The following CNTNAP2 variants were observed in gnomAD, a reference collection of about 807,000 sequenced individuals.
CNTNAP2 encodes contactin-associated protein-like 2.
A neutral mutation model predicts 155.2 loss-of-function variants in CNTNAP2; 98 were observed. That is an observed-to-expected ratio of 0.63 (90% CI 0.54 to 0.75). CNTNAP2 has a LOEUF of 0.75. Among genes scored for constraint, CNTNAP2 ranks in the 30% least tolerant of loss-of-function variants. CNTNAP2 has a pLI of 0.00. For synonymous variants in CNTNAP2, 651 were observed against 631.2 expected, an observed-to-expected ratio of 1.03 and a Z score of -0.47; for missense variants, 1,727 against 1,688.1, an observed-to-expected ratio of 1.02 and a Z score of -0.40.
chr7:147,598,488 C>T (rs950560393), intron 12 of CNTNAP2, among the ~76,000 whole-genome samples: 1 of 152,118 alleles, frequency 6.6e-6, no homozygotes, highest in Admixed American at 6.6e-5. Context: ...CAGCTTCATC[C>T]ATGTCCCTGC....
intron 8 of CNTNAP2, among the ~76,000 whole-genome samples, chr7:147,235,417 T>C (rs1418254091): frequency 2.0e-5 from 3 of 151,690 alleles, no homozygotes; most frequent in African/African-American, 7.3e-5. Context: ...TCCTATTTGT[T>C]CTATTTCTCT....
intron 11 of CNTNAP2, among the ~76,000 whole-genome samples, chr7:147,519,101 G>A (rs1419002193): frequency 2.0e-5 from 3 of 151,474 alleles, no homozygotes; most frequent in Non-Finnish European, 4.4e-5. Flanking sequence ...TGTTGTAGCT[G>A]AAAACAACAC....
chr7:148,098,359 G>A (rs1261432097), intron 15 of CNTNAP2, among the ~76,000 whole-genome samples: 5 of 141,528 alleles, frequency 3.5e-5, no homozygotes, highest in East Asian at 2.3e-4. Context: ...CAGGAGAATC[G>A]CTTGAATCCA....
At chr7:148,283,255 A>AGAAAAAG (rs1277840999) in intron 21 of CNTNAP2, among the ~76,000 whole-genome samples, 2 of 63,626 alleles carry the variant, frequency 3.1e-5, no homozygotes, top group African/African-American at 1.2e-4. Flanking sequence ...AAAAAAAAAA[A>AGAAAAAG]AAAGAAAGAA....
At position 147,485,942 on chromosome 7, in the gene CNTNAP2, C is replaced by A; in HGVS notation, c.1678C>A (p.Pro560Thr). ...DMCAIIDRCV[P>T]NHCEHGGKCS... is the part of the protein sequence containing the mutation. ...TGTCTCTCTCTCTGACAGATGTGTGCCCAATCACTGTGAGCATGGTGGAAA... is the reference window on the plus strand; with the variant it reads ...TGTCTCTCTCTCTGACAGATGTGTGACCAATCACTGTGAGCATGGTGGAAA... The change falls in exon 11 of 24, where the codon CCC (proline) becomes ACC (threonine). Residue 560 changes from proline (P) to threonine (T), a missense_variant. By Grantham distance (38) the Pro-to-Thr change is conservative. Coordinates refer to ENST00000361727, the MANE Select transcript of CNTNAP2 (RefSeq NM_014141.6). The A allele has an allele frequency of 6.2e-7, 1 of 1,613,932 alleles. No individual in the cohort carries two copies. The highest frequency in any genetic ancestry group is 8.5e-7 in the Non-Finnish European group (1 of 1,179,876).
rs370676342 is a variant in CNTNAP2 at position 146,228,972 on chromosome 7, C to T, written c.97+111999C>T. ...TCTTATGTAATTATCTTTCGAATCACACATGCATCAGTACAATCAAGCTCT... is the reference window on the plus strand; with the variant it reads ...TCTTATGTAATTATCTTTCGAATCATACATGCATCAGTACAATCAAGCTCT... On this transcript the variant is annotated intron_variant, in intron 1 of 23. Transcript: ENST00000361727. Among the ~76,000 whole-genome samples, 24 of 152,250 alleles carry T rather than the reference C, an allele frequency of 1.6e-4. No individual in the cohort carries two copies. In the East Asian group the frequency reaches 2.7e-3, roughly 17 times the overall value.
intron 13 of CNTNAP2, among the ~76,000 whole-genome samples, chr7:147,688,368 C>T (rs184449767): frequency 2.0e-5 from 3 of 152,216 alleles, no homozygotes; most frequent in South Asian, 2.1e-4. Flanking sequence ...CTCTGAAATG[C>T]GTGAAAGAGT....
At chr7:146,525,515 T>C in intron 1 of CNTNAP2, among the ~76,000 whole-genome samples, 1 of 151,240 alleles carries the variant, frequency 6.6e-6, no homozygotes, top group East Asian at 1.9e-4. Context: ...ATTCTTTGCA[T>C]TTTCTGTCTT....
At chr7:147,869,537 A>G (rs1799292249) in intron 13 of CNTNAP2, among the ~76,000 whole-genome samples, 1 of 152,258 alleles carries the variant, frequency 6.6e-6, no homozygotes, top group African/African-American at 2.4e-5. Flanking sequence ...GAATCAGCAC[A>G]TCACCGTCAA....
chr7:146,902,210 C>T (rs1796018607), intron 3 of CNTNAP2, among the ~76,000 whole-genome samples: 1 of 152,052 alleles, frequency 6.6e-6, no homozygotes, highest in Non-Finnish European at 1.5e-5. Flanking sequence ...ACTTTATCTT[C>T]CTCAGGAGCA....
intron 1 of CNTNAP2, among the ~76,000 whole-genome samples, chr7:146,362,433 A>G (rs1037336568): frequency 1.3e-5 from 2 of 152,192 alleles, no homozygotes; most frequent in African/African-American, 2.4e-5. Context: ...TGAGCACCTC[A>G]TTCATAAGAA....
intron 19 of CNTNAP2, among the ~76,000 whole-genome samples, chr7:148,221,077 A>T (rs1439287015): frequency 1.3e-5 from 2 of 151,888 alleles, no homozygotes; most frequent in African/African-American, 4.8e-5. Flanking sequence ...TCACATGCCC[A>T]CTGCTACACA....
intron 21 of CNTNAP2, among the ~76,000 whole-genome samples, chr7:148,347,600 A>G (rs186169765): frequency 2.6e-5 from 4 of 152,356 alleles, no homozygotes; most frequent in East Asian, 3.9e-4. Context: ...AGCCAAAATT[A>G]TATTATCTAG....
intron 1 of CNTNAP2, among the ~76,000 whole-genome samples, chr7:146,643,428 A>G (rs1259609158): frequency 1.3e-5 from 2 of 152,052 alleles, no homozygotes; most frequent in Non-Finnish European, 2.9e-5. Context: ...TCCTTTCCCC[A>G]TTGTTTGTTT....
At chr7:146,492,312 A>C (rs2129131447) in intron 1 of CNTNAP2, among the ~76,000 whole-genome samples, 1 of 152,276 alleles carries the variant, frequency 6.6e-6, no homozygotes, top group Non-Finnish European at 1.5e-5. Flanking sequence ...ATGTAAAAAT[A>C]GAATTTGACA....
chr7:148,002,825 G>A (rs914401786), intron 15 of CNTNAP2, among the ~76,000 whole-genome samples: 1 of 152,104 alleles, frequency 6.6e-6, no homozygotes, highest in Non-Finnish European at 1.5e-5. Context: ...GTTTAGACAT[G>A]GAGGGAGCTC....
At chr7:148,353,740 T>G (rs1424973248) in intron 21 of CNTNAP2, among the ~76,000 whole-genome samples, 4 of 152,194 alleles carry the variant, frequency 2.6e-5, no homozygotes, top group African/African-American at 2.4e-5. Context: ...ACATCTTAGT[T>G]GAGATGGCTA....
chr7:147,374,982 AT>A (rs973238175), intron 9 of CNTNAP2, among the ~76,000 whole-genome samples: 2 of 151,984 alleles, frequency 1.3e-5, no homozygotes, highest in African/African-American at 4.8e-5. Flanking sequence ...TGATTGGATC[AT>A]GGGGGCAGTT....
intron 15 of CNTNAP2, among the ~76,000 whole-genome samples, chr7:148,079,521 T>A (rs1424200585): frequency 6.6e-6 from 1 of 152,168 alleles, no homozygotes; most frequent in Non-Finnish European, 1.5e-5. Flanking sequence ...ATGTTTCTTA[T>A]CAGACTTAAA....
Sources: gnomAD v4.1 joint callset for allele counts (sites outside exome capture counted in the v4.1 genomes callset) on GRCh38, gnomAD v4.1.1 for gene constraint, MANE v1.5 for transcripts, NCBI Gene and HGNC (gene_info 2026-07-23, HGNC 2026-07-21) for gene names.